UGT2B4: variants seen among roughly 807,000 people sequenced by gnomAD.
UGT2B4 encodes the protein UDP glucuronosyltransferase family 2 member B4, also known as UDP-glucuronosyltransferase 2B4.
A neutral mutation model predicts 49.8 loss-of-function variants in UGT2B4; 49 were observed. The ratio of observed to expected loss-of-function variants is 0.98; its 90% CI spans 0.78 to 1.25. UGT2B4 has a LOEUF of 1.25. UGT2B4 is among the 50% of genes most tolerant of loss of function. The pLI is 0.00. For missense variants in UGT2B4, 729 were observed against 627.7 expected, an observed-to-expected ratio of 1.16 and a Z score of -1.73; for synonymous variants, 246 against 217.7, an observed-to-expected ratio of 1.13 and a Z score of -1.14.
At chr4:69,486,442 C>A in intron 4 of UGT2B4, 167 bp downstream of exon 4, 2 of 250,668 alleles carry the variant, frequency 8.0e-6, no homozygotes, top group South Asian at 7.0e-5. Flanking sequence ...CATAAAATGC[C>A]AACAATTTAT....
intron 4 of UGT2B4, 38 bp downstream of exon 4, chr4:69,486,571 T>A: frequency 3.6e-6 from 5 of 1,376,858 alleles, no homozygotes; most frequent in Non-Finnish European, 5.0e-6. Context: ...TAATAATCTG[T>A]TACTAATATA....
chr4:69,498,679 T>C (rs905244476), upstream of UGT2B4, among the ~76,000 whole-genome samples: 1 of 152,188 alleles, frequency 6.6e-6, no homozygotes, highest in African/African-American at 2.4e-5. Context: ...TATTCTCTGA[T>C]GGTGGTTTGT....
At position 69,493,679 on chromosome 4, in the gene UGT2B4, C is replaced by A; in HGVS notation, c.870+14G>T. On this transcript the variant is annotated intron_variant, in intron 2 of 5. Transcript: ENST00000305107. ...GAAACTTCAAAGCAGACAAAACAAA[C>A]AGTAATAGTTTACCTTCGGTAGGGG... 1 of 1,595,926 alleles carries A rather than the reference C, an allele frequency of 6.3e-7. No individual in the cohort carries two copies. Among genetic ancestry groups the A allele is most frequent in the Admixed American group, 1.8e-5 (1 of 55,956 alleles).
Position 69,480,510 on chromosome 4 carries a change from G to GGTAA in UGT2B4, c.*120_*123dup. On this transcript the variant is annotated 3_prime_UTR_variant, in exon 6 of 6. Coordinates refer to ENST00000305107, the MANE Select transcript of UGT2B4 (RefSeq NM_021139.3). The stretch of plus-strand genomic sequence containing the variant: ...ACTAAAACAAATTTTGACTTGACAA[G>GGTAA]GTAAGTTTTGAAAGATGTTTTGTCA... The GGTAA allele has an allele frequency of 6.9e-7, 1 of 1,447,010 alleles. No individual in the cohort carries two copies. The highest frequency in any genetic ancestry group is 9.3e-7 in the Non-Finnish European group (1 of 1,080,022). The allele number at this position is 1,447,010 out of a possible 1,614,324, so 89.6% of individuals were successfully genotyped here.
In UGT2B4 at chr4:69,510,982, C is replaced by T. The variant is rs1042355556; in HGVS notation, c.-106+14705G>A. Among the ~76,000 whole-genome samples the T allele has an allele frequency of 4.1e-4, 46 of 110,946 alleles. 2 individuals are homozygous for T. Among genetic ancestry groups the T allele is most frequent in the Non-Finnish European group, 3.5e-4 (20 of 56,374 alleles). The allele number at this position is 110,946 out of a possible 152,430, so 72.8% of individuals were successfully genotyped here. On this transcript the variant is annotated intron_variant, in intron 1 of 1. Transcript: ENST00000510114. ...GCTTTTCATAAATACTCTTTCTTTTCTTTTCTTCTTTTTTTTTTTTTTTTT... is the reference window on the plus strand; with the variant it reads ...GCTTTTCATAAATACTCTTTCTTTTTTTTTCTTCTTTTTTTTTTTTTTTTT...
At chr4:69,515,742 T>A (rs1042003297) in intron 1 of UGT2B4, among the ~76,000 whole-genome samples, 1 of 151,568 alleles carries the variant, frequency 6.6e-6, no homozygotes, top group African/African-American at 2.4e-5. Flanking sequence ...AAAAAGCTAA[T>A]AAAATAGATA....
intron 2 of UGT2B4, among the ~76,000 whole-genome samples, chr4:69,490,328 ATTT>A (rs1460800932): frequency 6.6e-6 from 1 of 152,126 alleles, no homozygotes; most frequent in Non-Finnish European, 1.5e-5. Flanking sequence ...AAGTGGAACA[ATTT>A]TTCCCTGAAA....
chr4:69,490,946 G>T (rs551190330), intron 2 of UGT2B4, among the ~76,000 whole-genome samples: 108 of 152,142 alleles, frequency 7.1e-4, no homozygotes, highest in Non-Finnish European at 1.1e-3. Context: ...GATGTGGACT[G>T]GTTGTTTCCC....
In UGT2B4 at chr4:69,481,014, G is replaced by A. The variant is rs948469241; in HGVS notation, c.1311-104C>T. 1.7e-5 allele frequency: 22 copies of A among 1,288,268 alleles called. No individual in the cohort carries two copies. The African/African-American group carries it at 2.6e-4, about 15-fold the overall frequency. The allele number at this position is 1,288,268 out of a possible 1,614,324, so 79.8% of individuals were successfully genotyped here. A position where few individuals can be genotyped will look rare whatever the true frequency, so the allele number is the denominator to read the frequency against. On this transcript the variant is annotated intron_variant, in intron 5 of 5. Transcript: ENST00000305107. ...AGCAGTTTCCGAGGTCGAGGCGGGC[G>A]GATCACGAGGTCAGGAGATCAAGAC...
upstream of UGT2B4, among the ~76,000 whole-genome samples, chr4:69,496,852 C>T (rs988792391): frequency 4.6e-5 from 7 of 151,782 alleles, no homozygotes; most frequent in African/African-American, 9.7e-5. Flanking sequence ...ATAGCATTTA[C>T]GTGTTGATTC....
chr4:69,506,271 G>A (rs955862207), intron 1 of UGT2B4, among the ~76,000 whole-genome samples: 4 of 151,492 alleles, frequency 2.6e-5, no homozygotes, highest in Non-Finnish European at 5.9e-5. Context: ...ACATTCAAAC[G>A]AAAAATGAAT....
At chr4:69,490,091 T>G (rs545013274) in intron 2 of UGT2B4, among the ~76,000 whole-genome samples, 7 of 152,222 alleles carry the variant, frequency 4.6e-5, no homozygotes, top group African/African-American at 1.7e-4. Flanking sequence ...CTATAATCCT[T>G]TACACTTCAC....
At position 69,495,701 on chromosome 4, in the gene UGT2B4, G is replaced by C. The variant is rs1455022757; in HGVS notation, c.161C>G (p.Thr54Ser). ...DELVQRGHEV[T>S]VLASSASISF... ...AATGGAAGCTGAAGATGCCAATACA[G>C]TCACCTCATGACCTCTCTGGACAAG... Residue 54 changes from threonine to serine, a missense_variant, in exon 1 of 6, where the codon ACT becomes AGT. Transcript: ENST00000305107. 6.2e-7 allele frequency: 1 copy of C among 1,614,010 alleles called. No homozygotes were observed. The highest frequency in any genetic ancestry group is 1.1e-5 in the South Asian group (1 of 91,082).
chr4:69,493,768 T>G lies in UGT2B4; in HGVS notation c.795A>C (p.Gln265His), dbSNP rs201258895. 9 of 1,612,224 alleles carry G rather than the reference T, an allele frequency of 5.6e-6. No homozygotes were observed. Among genetic ancestry groups the G allele is most frequent in the Middle Eastern group, 3.3e-4 (2 of 6,048 alleles). ...CATTTGGTAAGAGTGGGTGAGGAAA[T>G]TGAAAATCCCAGTAGTTTCGAATAA... is the stretch of plus-strand genomic sequence containing the variant. ...IWLIRNYWDF[Q>H]FPHPLLPNVE... The change falls in exon 2 of 6, where the codon CAA becomes CAC. Residue 265 changes from glutamine (Q) to histidine (H), a missense_variant. Physicochemically the swap from Gln to His is conservative, Grantham distance 24. Transcript: ENST00000305107.
chr4:69,523,435 T>C (rs959701163), intron 1 of UGT2B4, among the ~76,000 whole-genome samples: 6 of 152,164 alleles, frequency 3.9e-5, no homozygotes, highest in African/African-American at 1.4e-4. Context: ...TCACAGCTCT[T>C]GCATTAGCAT....
In UGT2B4 at chr4:69,489,531, CACCATTTTCTCCAGAGCTCTGG is replaced by C. The variant is rs748952381; in HGVS notation, c.888_909del (p.Gln297LeufsTer20). 6.2e-7 allele frequency: 1 copy of C among 1,611,396 alleles called. No homozygotes were observed. Among genetic ancestry groups the C allele is most frequent in the Non-Finnish European group, 8.5e-7 (1 of 1,178,480 alleles). On this transcript the variant is annotated frameshift_variant, in exon 3 of 6. Transcript: ENST00000305107. LOFTEE classifies it high-confidence loss of function. ...ATCGACCCCAGAGAAAACACCACAACACCATTTTCTCCAGAGCTCTGGACAAACTCTTCCATTTCCTGTGAAA... is the reference window on the plus strand; with the variant it reads ...ATCGACCCCAGAGAAAACACCACAACACAAACTCTTCCATTTCCTGTGAAA...
chr4:69,489,472 T>C lies in UGT2B4; in HGVS notation c.969A>G (p.Val323=), dbSNP rs751891799. 4 of 1,611,688 alleles carry C rather than the reference T, an allele frequency of 2.5e-6. No homozygotes were observed. The South Asian group carries it at 4.4e-5, about 18-fold the overall frequency. ...VSNTSEERAN[V]IASALAKIPQ... The stretch of plus-strand genomic sequence containing the variant: ...GGATCTTGGCAAGGGCTGATGCAAT[T>C]ACATTGGCCCTTTCTTCTGACGTGT... The change falls in exon 3 of 6, where the codon GTA becomes GTG. Residue 323 remains valine, a synonymous_variant. Coordinates refer to ENST00000305107, the MANE Select transcript of UGT2B4 (RefSeq NM_021139.3).
intron 1 of UGT2B4, among the ~76,000 whole-genome samples, chr4:69,504,351 A>C (rs1728418218): frequency 6.6e-6 from 1 of 152,216 alleles, no homozygotes; most frequent in Non-Finnish European, 1.5e-5. Context: ...ATAGGAGCAA[A>C]ATATAGTATA....
At chr4:69,512,214 T>C (rs1269901378) in intron 1 of UGT2B4, among the ~76,000 whole-genome samples, 1 of 152,036 alleles carries the variant, frequency 6.6e-6, no homozygotes, top group Admixed American at 6.6e-5. Context: ...CTTGGCTCTT[T>C]TATGTGTAAT....
Sources: gnomAD v4.1 joint callset for allele counts (sites outside exome capture counted in the v4.1 genomes callset) on GRCh38, gnomAD v4.1.1 for gene constraint, MANE v1.5 for transcripts, NCBI Gene and HGNC (gene_info 2026-07-23, HGNC 2026-07-21) for gene names.